AFG2A: variants seen among roughly 807,000 people sequenced by gnomAD.
AFG2A encodes the protein ATPase family gene 2 protein homolog A.
chr4:123,256,102 G>T, the AFG2A span: 13 of 1,613,980 alleles, frequency 8.1e-6, no homozygotes, highest in Non-Finnish European at 1.1e-5. Context: ...TTAAGCTGCA[G>T]TTTCACTCCA....
the AFG2A span, among the ~76,000 whole-genome samples, chr4:123,286,061 G>A: frequency 2.1e-4 from 32 of 152,156 alleles, no homozygotes; most frequent in East Asian, 4.6e-3. Context: ...CAGACTCCTC[G>A]AGGTTTTATT....
the AFG2A span, among the ~76,000 whole-genome samples, chr4:122,933,834 A>G: frequency 6.6e-6 from 1 of 152,194 alleles, no homozygotes; most frequent in African/African-American, 2.4e-5. Context: ...ATTATTGAAT[A>G]TGGAATGCCT....
the AFG2A span, among the ~76,000 whole-genome samples, chr4:123,111,707 ACTTCTT>A: frequency 1.3e-5 from 2 of 150,458 alleles, no homozygotes; most frequent in African/African-American, 2.5e-5. Context: ...TTTGTATTAT[ACTTCTT>A]CTTCTTCTTC....
At chr4:123,230,441 C>T in the AFG2A span, among the ~76,000 whole-genome samples, 1 of 151,970 alleles carries the variant, frequency 6.6e-6, no homozygotes, top group Non-Finnish European at 1.5e-5. Flanking sequence ...GTCATAATTT[C>T]AGGCTCCACT....
At chr4:123,084,670 C>T in the AFG2A span, among the ~76,000 whole-genome samples, 3 of 151,384 alleles carry the variant, frequency 2.0e-5, no homozygotes, top group African/African-American at 7.3e-5. Context: ...GCTCTGCTGT[C>T]CACACCTCAG....
the AFG2A span, among the ~76,000 whole-genome samples, chr4:123,308,485 G>A: frequency 6.6e-6 from 1 of 152,130 alleles, no homozygotes; most frequent in African/African-American, 2.4e-5. Flanking sequence ...TGTCAGATCA[G>A]CGGCGGCATT....
chr4:123,034,755 A>G, the AFG2A span, among the ~76,000 whole-genome samples: 2 of 152,312 alleles, frequency 1.3e-5, no homozygotes, highest in South Asian at 2.1e-4. Flanking sequence ...TGTTTGTACT[A>G]TCTGCTCAAT....
chr4:123,222,272 CT>C, the AFG2A span, among the ~76,000 whole-genome samples: 1 of 152,278 alleles, frequency 6.6e-6, no homozygotes, highest in South Asian at 2.1e-4. Flanking sequence ...ATAACACTTT[CT>C]TGTGTGTCTG....
chr4:123,143,669 T>C, the AFG2A span, among the ~76,000 whole-genome samples: 4 of 151,824 alleles, frequency 2.6e-5, no homozygotes, highest in African/African-American at 7.2e-5. Flanking sequence ...TATATACTAA[T>C]AAAGTTAGTC....
At chr4:123,234,927 G>C in the AFG2A span, among the ~76,000 whole-genome samples, 4 of 151,954 alleles carry the variant, frequency 2.6e-5, no homozygotes, top group Non-Finnish European at 4.4e-5. Context: ...CTCGCCTTCC[G>C]GGCTGTTGTG....
the AFG2A span, among the ~76,000 whole-genome samples, chr4:123,160,788 C>T: frequency 6.6e-6 from 1 of 152,014 alleles, no homozygotes; most frequent in African/African-American, 2.4e-5. Flanking sequence ...ATGTCTGAAA[C>T]CATGGGTTAT....
chr4:123,093,607 T>C, the AFG2A span, among the ~76,000 whole-genome samples: 1 of 152,192 alleles, frequency 6.6e-6, no homozygotes, highest in Non-Finnish European at 1.5e-5. Context: ...TCTCCTACCT[T>C]ATTCCCCCCT....
the AFG2A span, among the ~76,000 whole-genome samples, chr4:123,232,378 G>A: frequency 1.3e-5 from 2 of 152,030 alleles, no homozygotes; most frequent in African/African-American, 2.4e-5. Context: ...ATAATGTGGA[G>A]TGTCAGAAGC....
At chr4:123,049,009 T>A in the AFG2A span, among the ~76,000 whole-genome samples, 32 of 152,198 alleles carry the variant, frequency 2.1e-4, no homozygotes, top group African/African-American at 7.5e-4. Context: ...TTGTCATATA[T>A]GCCCTTTATC....
At chr4:123,130,477 G>C in the AFG2A span, among the ~76,000 whole-genome samples, 2 of 152,200 alleles carry the variant, frequency 1.3e-5, no homozygotes, top group African/African-American at 4.8e-5. Flanking sequence ...CTGTCCTGTA[G>C]TTTTGCCCAT....
chr4:123,194,637 T>G, the AFG2A span, among the ~76,000 whole-genome samples: 13 of 152,326 alleles, frequency 8.5e-5, no homozygotes, highest in African/African-American at 3.1e-4. Flanking sequence ...TCAAAAAGAT[T>G]TAAAGGAAAT....
chr4:123,196,606 C>T, the AFG2A span, among the ~76,000 whole-genome samples: 2 of 151,990 alleles, frequency 1.3e-5, no homozygotes, highest in African/African-American at 4.8e-5. Context: ...TGAGGAATTT[C>T]GTATGGTGCC....
chr4:122,927,046 A>G, the AFG2A span, among the ~76,000 whole-genome samples: 2 of 152,124 alleles, frequency 1.3e-5, 1 homozygote, highest in South Asian at 4.1e-4. Flanking sequence ...AGTGGAGATG[A>G]CAGCACATCA....
the AFG2A span, among the ~76,000 whole-genome samples, chr4:122,993,882 G>A: frequency 6.6e-6 from 1 of 151,800 alleles, no homozygotes; most frequent in Non-Finnish European, 1.5e-5. Context: ...TTAGATAAAA[G>A]GGTATAGCTG....
Sources: allele counts gnomAD v4.1 joint callset (sites outside exome capture counted in the v4.1 genomes callset), GRCh38; gene constraint gnomAD v4.1.1; transcripts MANE v1.5; gene names NCBI Gene and HGNC (gene_info 2026-07-23, HGNC 2026-07-21).